GSE1: variants seen among roughly 807,000 people sequenced by gnomAD.
GSE1 encodes the protein genetic suppressor element 1.
Under a neutral mutation model 112.6 loss-of-function variants are expected in GSE1, and 32 were observed. That is an observed-to-expected ratio of 0.28 (90% CI 0.21 to 0.38). GSE1 has a LOEUF of 0.38. Ranked by LOEUF, GSE1 falls within the 10% of genes least tolerant of loss-of-function variation. The probability of loss-of-function intolerance (pLI) is 1.00; values close to 1 mark genes in which losing one functional copy is unlikely to be tolerated. For synonymous variants in GSE1, 1,115 were observed against 735.6 expected (o/e 1.52, Z -8.35); for missense variants, 2,348 against 1,699.2 (o/e 1.38, Z -6.71).
intron 1 of GSE1, among the ~76,000 whole-genome samples, chr16:85,560,980 C>T (rs2045491100): frequency 6.6e-6 from 1 of 151,852 alleles, no homozygotes; most frequent in South Asian, 2.1e-4. Context: ...AATGCAGAAA[C>T]AATTAGTCGA....
At chr16:85,308,165 G>A (rs560914393) in intron 1 of GSE1, among the ~76,000 whole-genome samples, 1 of 152,172 alleles carries the variant, frequency 6.6e-6, no homozygotes, top group African/African-American at 2.4e-5. Context: ...CACCTAGAAC[G>A]CTGAGCTGCT....
intron 1 of GSE1, among the ~76,000 whole-genome samples, chr16:85,318,417 C>A (rs769538709): frequency 6.6e-6 from 1 of 152,160 alleles, no homozygotes; most frequent in Non-Finnish European, 1.5e-5. Context: ...GCATGCACCA[C>A]TATGCCTGGC....
intron 1 of GSE1, among the ~76,000 whole-genome samples, chr16:85,180,654 GC>G (rs1364900668): frequency 6.6e-6 from 1 of 152,212 alleles, no homozygotes; most frequent in Non-Finnish European, 1.5e-5. Context: ...TAAGTCACTT[GC>G]CCAAAGTCAC....
chr16:85,510,888 C>T (rs2051721335), intron 2 of GSE1, among the ~76,000 whole-genome samples: 1 of 152,230 alleles, frequency 6.6e-6, no homozygotes, highest in African/African-American at 2.4e-5. Flanking sequence ...TGCACAAGCT[C>T]ATGCTCCCGG....
Position 85,547,046 on chromosome 16 carries a change from C to A in GSE1, c.2465-86868C>A, listed in dbSNP as rs963615194. ...GTGTGGACGTGAGTTTTGTGGAGGG[C>A]GGGCAGCCTCACCACACCCCTGTCC... On this transcript the variant is annotated intron_variant, in intron 2 of 2. Transcript: ENST00000637419. 5.3e-5 allele frequency among the ~76,000 whole-genome samples: 8 copies of A among 152,198 alleles called. No individual in the cohort carries two copies. The South Asian group carries it at 1.7e-3, about 32-fold the overall frequency.
chr16:85,516,586 CAAAAA>C (rs35709045), intron 2 of GSE1, among the ~76,000 whole-genome samples: 5 of 80,468 alleles, frequency 6.2e-5, no homozygotes, highest in South Asian at 4.7e-4. Context: ...GACCCTGTCT[CAAAAA>C]AAAAAAAAAA....
At chr16:85,190,802 G>A (rs764565852) in intron 1 of GSE1, among the ~76,000 whole-genome samples, 2 of 152,244 alleles carry the variant, frequency 1.3e-5, no homozygotes, top group Non-Finnish European at 2.9e-5. Flanking sequence ...CCAAGCCTGT[G>A]TGGGATTCCT....
At chr16:85,226,869 CT>C (rs1456326604) in intron 1 of GSE1, among the ~76,000 whole-genome samples, 8 of 150,302 alleles carry the variant, frequency 5.3e-5, no homozygotes, top group Non-Finnish European at 1.0e-4. Flanking sequence ...AGTGGTAGCA[CT>C]TGGTGAGGCT....
intron 2 of GSE1, among the ~76,000 whole-genome samples, chr16:85,509,545 G>A (rs2051663064): frequency 6.6e-6 from 1 of 152,240 alleles, no homozygotes; most frequent in African/African-American, 2.4e-5. Context: ...GCGACCCCTG[G>A]CCCTCGCTGT....
Position 85,668,443 on chromosome 16 carries a change from A to C in GSE1, c.3415+19A>C. On this transcript the variant is annotated intron_variant, in intron 14 of 15. Coordinates refer to ENST00000253458, the MANE Select transcript of GSE1 (RefSeq NM_014615.5). ...ATAGAAGGTAAGGGGGTGCTGGGGAAGAGGGGGGAGGGGGTCAGGAAAGTA... is the reference window on the plus strand; with the variant it reads ...ATAGAAGGTAAGGGGGTGCTGGGGACGAGGGGGGAGGGGGTCAGGAAAGTA... The C allele has an allele frequency of 1.6e-6, 2 of 1,274,760 alleles. No homozygotes were observed. Among genetic ancestry groups the C allele is most frequent in the Non-Finnish European group, 2.2e-6 (2 of 891,950 alleles). The allele number at this position is 1,274,760 out of a possible 1,614,324, so 79.0% of individuals were successfully genotyped here.
chr16:85,586,850 T>C (rs962650748), intron 1 of GSE1, among the ~76,000 whole-genome samples: 9 of 152,196 alleles, frequency 5.9e-5, no homozygotes, highest in Admixed American at 5.2e-4. Context: ...TCAGGCGAGC[T>C]CAGTGCAGAA....
chr16:85,634,044 C>G lies in GSE1; in HGVS notation c.138C>G (p.Thr46=). 6.2e-7 allele frequency: 1 copy of G among 1,609,904 alleles called. No homozygotes were observed. Among genetic ancestry groups the G allele is most frequent in the Non-Finnish European group, 8.5e-7 (1 of 1,178,244 alleles). Residue 46 remains threonine, a synonymous_variant, in exon 2 of 16, where the codon ACC becomes ACG. Coordinates refer to ENST00000253458, the MANE Select transcript of GSE1 (RefSeq NM_014615.5). The stretch of plus-strand genomic sequence containing the variant: ...TGGTGCCCAGCGGCAGCCCCGCCAC[C>G]AGCAGCGCGCTGTCGGCCCAGGCCG... ...GALVPSGSPA[T]SSALSAQAAP... is the part of the protein sequence containing the mutation.
intron 1 of GSE1, among the ~76,000 whole-genome samples, chr16:85,184,094 A>G (rs1438600091): frequency 6.6e-6 from 1 of 152,182 alleles, no homozygotes; most frequent in Non-Finnish European, 1.5e-5. Context: ...GTCACCTGTG[A>G]TGTGTCAGGA....
At chr16:85,225,997 A>G (rs1008779945) in intron 1 of GSE1, among the ~76,000 whole-genome samples, 10 of 152,118 alleles carry the variant, frequency 6.6e-5, no homozygotes, top group African/African-American at 2.4e-4. Flanking sequence ...GTTCCTGGCC[A>G]TGTGGGTCTC....
In GSE1 at chr16:85,474,983, C is replaced by T. The variant is rs560318889; in HGVS notation, c.2464+117340C>T. On this transcript the variant is annotated intron_variant, in intron 2 of 2. Coordinates refer to the GSE1 transcript ENST00000637419. ...CTGCCCCTCCACCCTGTTCTCCAGA[C>T]GTCTCCAGTTTATCTCCTGATGCAG... Among the ~76,000 whole-genome samples, 49 of 152,292 alleles carry T rather than the reference C, an allele frequency of 3.2e-4. No individual in the cohort carries two copies. In the East Asian group the frequency reaches 8.9e-3, roughly 28 times the overall value.
chr16:85,358,454 C>CG (rs1159430176), intron 2 of GSE1, among the ~76,000 whole-genome samples: 2 of 152,308 alleles, frequency 1.3e-5, no homozygotes, highest in Admixed American at 6.5e-5. Context: ...CCCCACAGCA[C>CG]GGGAGACTTG....
chr16:85,188,647 T>A (rs914075281), intron 1 of GSE1, among the ~76,000 whole-genome samples: 3 of 151,576 alleles, frequency 2.0e-5, no homozygotes, highest in Admixed American at 6.6e-5. Context: ...ACAAAAAAAT[T>A]AAAAATTAGC....
chr16:85,485,301 G>C (rs1277915857), intron 2 of GSE1, among the ~76,000 whole-genome samples: 1 of 152,252 alleles, frequency 6.6e-6, no homozygotes, highest in East Asian at 1.9e-4. Flanking sequence ...GGTCCGGAGA[G>C]GGAGAGACAG....
chr16:85,387,984 A>ATGGG (rs756896739), intron 2 of GSE1, among the ~76,000 whole-genome samples: 1,235 of 99,108 alleles, frequency 0.012, 17 homozygotes, highest in Non-Finnish European at 0.017. Context: ...GGGTGAGTGG[A>ATGGG]TGGGTGGGTG....
Sources: allele counts gnomAD v4.1 joint callset (sites outside exome capture counted in the v4.1 genomes callset), GRCh38; gene constraint gnomAD v4.1.1; transcripts MANE v1.5; gene names NCBI Gene and HGNC (gene_info 2026-07-23, HGNC 2026-07-21).